BTBD7: variants seen among roughly 807,000 people sequenced by gnomAD.
BTBD7 encodes the protein BTB/POZ domain-containing protein 7.
BTBD7 carries 38 observed loss-of-function variants against 99.9 expected under a neutral mutation model. That is an observed-to-expected ratio of 0.38 (90% confidence interval 0.29 to 0.50). BTBD7 has a LOEUF of 0.50. Ranked by LOEUF, BTBD7 falls within the 20% of genes least tolerant of loss-of-function variation. BTBD7 has a pLI of 0.93. For synonymous variants in BTBD7, 520 were observed against 511.4 expected, an observed-to-expected ratio of 1.02 and a Z score of -0.23; for missense variants, 1,170 against 1,394.6, an observed-to-expected ratio of 0.84 and a Z score of 2.57.
chr14:93,261,126 G>T (rs969651501), intron 5 of BTBD7, among the ~76,000 whole-genome samples: 4 of 152,096 alleles, frequency 2.6e-5, no homozygotes, highest in Non-Finnish European at 5.9e-5. Flanking sequence ...CCTGACCTCA[G>T]GTCAGCCTGT....
intron 1 of BTBD7, among the ~76,000 whole-genome samples, chr14:93,323,216 TG>T (rs1052381508): frequency 6.6e-6 from 1 of 152,114 alleles, no homozygotes; most frequent in African/African-American, 2.4e-5. Flanking sequence ...GGAACCAGCC[TG>T]GGGAACATAG....
chr14:93,293,080 G>A (rs1245151627), intron 3 of BTBD7, among the ~76,000 whole-genome samples: 1 of 152,074 alleles, frequency 6.6e-6, no homozygotes, highest in Non-Finnish European at 1.5e-5. Context: ...GTCACAGAAA[G>A]CTAAGAATGC....
chr14:93,294,136 C>T lies in BTBD7; in HGVS notation c.884G>A (p.Arg295Lys), dbSNP rs2052893056. The change falls in exon 3 of 11, where the codon AGG becomes AAG. Residue 295 changes from arginine to lysine, a missense_variant. Arg to Lys is a conservative substitution (Grantham distance 26). Coordinates refer to ENST00000334746, the MANE Select transcript of BTBD7 (RefSeq NM_001002860.4). ...SPFFRNLLQR[R>K]IRTGEEITDR... ...TGTGATTTCTTCACCAGTTCGTATC[C>T]TCCTTTGTAATAAATTTCGAAAAAA... is the stretch of plus-strand genomic sequence containing the variant. The T allele has an allele frequency of 6.2e-7, 1 of 1,614,120 alleles. No homozygotes were observed. Among genetic ancestry groups the T allele is most frequent in the Non-Finnish European group, 8.5e-7 (1 of 1,180,022 alleles).
intron 1 of BTBD7, among the ~76,000 whole-genome samples, chr14:93,299,958 G>C (rs1036269695): frequency 6.6e-6 from 1 of 152,196 alleles, no homozygotes; most frequent in East Asian, 1.9e-4. Flanking sequence ...CTGCCCCCAC[G>C]GGGCATGAAG....
chr14:93,253,928 T>A, intron 6 of BTBD7, 138 bp from the exon 7 acceptor site: 1 of 480,914 alleles, frequency 2.1e-6, no homozygotes. Flanking sequence ...GTATATGAAA[T>A]TTAGAAATAC....
intron 4 of BTBD7, among the ~76,000 whole-genome samples, chr14:93,262,380 G>A (rs2052498914): frequency 6.6e-6 from 1 of 152,198 alleles, no homozygotes; most frequent in African/African-American, 2.4e-5. Flanking sequence ...TGATCCGCCT[G>A]CCTTGGCCTC....
chr14:93,300,680 C>T (rs1041002373), intron 1 of BTBD7, among the ~76,000 whole-genome samples: 2 of 143,562 alleles, frequency 1.4e-5, no homozygotes, highest in African/African-American at 2.6e-5. Flanking sequence ...GGACTACAGG[C>T]GTGTGCCATC....
chr14:93,254,043 T>C (rs1442051556), intron 6 of BTBD7, among the ~76,000 whole-genome samples: 4 of 151,844 alleles, frequency 2.6e-5, no homozygotes, highest in African/African-American at 4.8e-5. Context: ...ATTCAAGCGA[T>C]TCTCCTGCCT....
rs1347398915 is a variant in BTBD7, at chr14:93,237,807, G to C, written c.*4466C>G. ...GCGTAAACAAGTTTTACAAAGTACT[G>C]GTTATGCAGGTTGTAGAAAACACTT... On this transcript the variant is annotated 3_prime_UTR_variant, in exon 11 of 11. Coordinates refer to ENST00000334746, the MANE Select transcript of BTBD7 (RefSeq NM_001002860.4). 1 of 152,640 alleles carries C rather than the reference G, an allele frequency of 6.6e-6. No individual in the cohort carries two copies. The highest frequency in any genetic ancestry group is 1.5e-5 in the Non-Finnish European group (1 of 68,038). 9.5% of individuals were successfully genotyped at this position (152,640 alleles called of 1,614,324 possible). A position where few individuals can be genotyped will look rare whatever the true frequency, so the allele number is the denominator to read the frequency against.
chr14:93,260,263 A>G (rs2052473030), intron 5 of BTBD7, among the ~76,000 whole-genome samples: 1 of 152,240 alleles, frequency 6.6e-6, no homozygotes, highest in Admixed American at 6.5e-5. Flanking sequence ...TACATAAATT[A>G]TATCTAAATA....
intron 1 of BTBD7, among the ~76,000 whole-genome samples, chr14:93,300,340 C>G (rs1181600019): frequency 6.7e-6 from 1 of 148,698 alleles, no homozygotes; most frequent in Non-Finnish European, 1.5e-5. Context: ...TCACTGCAAT[C>G]TCTGCCTCCT....
intron 5 of BTBD7, among the ~76,000 whole-genome samples, chr14:93,259,789 C>T (rs375445625): frequency 6.6e-6 from 1 of 152,192 alleles, no homozygotes; most frequent in South Asian, 2.1e-4. Context: ...CAAAAATTAG[C>T]CACGCGTGGT....
Position 93,242,026 on chromosome 14 carries a change from T to A in BTBD7, c.*247A>T. ...AGAGAAATAAAAAGTGCCAGCCTGC[T>A]TGTTCTTAAAAATGCCTCCCGACAT... On this transcript the variant is annotated 3_prime_UTR_variant, in exon 11 of 11. Coordinates refer to ENST00000334746, the MANE Select transcript of BTBD7 (RefSeq NM_001002860.4). 1 of 489,404 alleles carries A rather than the reference T, an allele frequency of 2.0e-6. No homozygotes were observed. The highest frequency in any genetic ancestry group is 3.6e-6 in the Non-Finnish European group (1 of 279,752). The allele number at this position is 489,404 out of a possible 1,614,324, so 30.3% of individuals were successfully genotyped here.
Position 93,300,772 on chromosome 14 carries a change from G to GTGTGTGTA in BTBD7, c.-106-4616_-106-4615insTACACACA, listed in dbSNP as rs1438410480. On this transcript the variant is annotated intron_variant, in intron 1 of 10. Transcript: ENST00000334746. Reference sequence around the variant, plus strand: ...TGTGTGTGTGTGTGTGTGTGTGTGTGTATATATATATATATTTTTTTTTTG... The same window carrying GTGTGTGTA: ...TGTGTGTGTGTGTGTGTGTGTGTGTGTGTGTGTATATATATATATATATTTTTTTTTTG... Among the ~76,000 whole-genome samples the GTGTGTGTA allele has an allele frequency of 1.8e-3, 123 of 67,812 alleles. 2 individuals are homozygous for GTGTGTGTA. The highest frequency in any genetic ancestry group is 2.7e-3 in the East Asian group (6 of 2,254). 44.5% of individuals were successfully genotyped at this position (67,812 alleles called of 152,430 possible). A position where few individuals can be genotyped will look rare whatever the true frequency, so the allele number is the denominator to read the frequency against.
At chr14:93,332,765 C>T in intron 1 of BTBD7, 55 bp downstream of exon 1, 1 of 1,451,580 alleles carries the variant, frequency 6.9e-7, no homozygotes, top group Non-Finnish European at 9.0e-7. Context: ...ACGCCCCGCG[C>T]CACACCGGAC....
intron 1 of BTBD7, among the ~76,000 whole-genome samples, chr14:93,312,519 T>A (rs2053149685): frequency 6.6e-6 from 1 of 152,176 alleles, no homozygotes; most frequent in Non-Finnish European, 1.5e-5. Context: ...AGAATGACTT[T>A]GTATGGCAGA....
intron 3 of BTBD7, among the ~76,000 whole-genome samples, chr14:93,264,938 A>G (rs778869567): frequency 1.3e-5 from 2 of 152,144 alleles, no homozygotes; most frequent in African/African-American, 4.8e-5. Flanking sequence ...AGTCTCTACT[A>G]AAAATACAAA....
chr14:93,316,179 CAT>C (rs1474890759), intron 1 of BTBD7, among the ~76,000 whole-genome samples: 2 of 151,590 alleles, frequency 1.3e-5, no homozygotes, highest in Non-Finnish European at 2.9e-5. Context: ...GTCTCGAACT[CAT>C]GACTTCAGGT....
At chr14:93,320,476 G>A (rs1214219803) in intron 1 of BTBD7, among the ~76,000 whole-genome samples, 1 of 152,208 alleles carries the variant, frequency 6.6e-6, no homozygotes, top group Non-Finnish European at 1.5e-5. Flanking sequence ...CCCTGTAATA[G>A]AGTGTAAGGA....
Sources: gnomAD v4.1 joint callset for allele counts (sites outside exome capture counted in the v4.1 genomes callset) on GRCh38, gnomAD v4.1.1 for gene constraint, MANE v1.5 for transcripts, NCBI Gene and HGNC (gene_info 2026-07-23, HGNC 2026-07-21) for gene names.